HSPA14: variants seen among roughly 807,000 people sequenced by gnomAD.
HSPA14 encodes heat shock 70 kDa protein 14.
In HSPA14, 37 loss-of-function variants were observed where a neutral mutation model predicts 65.5. That is an observed-to-expected ratio of 0.56 (90% CI 0.43 to 0.74). The LOEUF is 0.74. Ranked by LOEUF, HSPA14 falls within the 30% of genes least tolerant of loss-of-function variation. The pLI, the probability that HSPA14 is intolerant of heterozygous loss-of-function variation, is 0.00. For synonymous variants in HSPA14, 203 were observed against 214.2 expected (o/e 0.95, Z 0.46); for missense variants, 564 against 607.6 (o/e 0.93, Z 0.75).
chr10:14,849,562 TCAGAGCG>T, intron 5 of HSPA14, 152 bp from the exon 6 acceptor site: 2 of 703,998 alleles, frequency 2.8e-6, no homozygotes, highest in African/African-American at 3.5e-5. Flanking sequence ...CTGCATGATT[TCAGAGCG>T]CAGAGAAGAA....
chr10:14,857,903 G>GTT (rs112978495), intron 10 of HSPA14, among the ~76,000 whole-genome samples: 1 of 144,590 alleles, frequency 6.9e-6, no homozygotes, highest in African/African-American at 2.5e-5. Flanking sequence ...TATATATTTT[G>GTT]TTTTTTTTTT....
At chr10:14,856,654 G>A (rs1252613052) in intron 10 of HSPA14, among the ~76,000 whole-genome samples, 5 of 152,092 alleles carry the variant, frequency 3.3e-5, no homozygotes, top group Admixed American at 2.0e-4. Context: ...TTGAGCCCAG[G>A]AGTAGAAGAC....
chr10:14,855,694 G>A (rs1180611358), intron 9 of HSPA14, 147 bp from the exon 10 acceptor site: 1 of 559,876 alleles, frequency 1.8e-6, no homozygotes, highest in African/African-American at 1.9e-5. Context: ...TGGTAAACCT[G>A]TCATTCAGAG....
At position 14,842,429 on chromosome 10, in the gene HSPA14, C is replaced by T; in HGVS notation, c.221+2272C>T. 1.3e-6 allele frequency: 2 copies of T among 1,536,166 alleles called. No homozygotes were observed. The highest frequency in any genetic ancestry group is 8.7e-7 in the Non-Finnish European group (1 of 1,146,922). On this transcript the variant is annotated intron_variant, in intron 3 of 13. Transcript: ENST00000378372. This position sits in a 1 kb window ranked among gnomAD's most constrained non-coding sequence, Gnocchi z 5.2. ...AGATGTCTATCAGGCTGTGTCTAAG[C>T]GAATGCAGCAGGAGGGCTTCCGCCG...
chr10:14,859,179 G>T (rs549852925), intron 10 of HSPA14, among the ~76,000 whole-genome samples: 1 of 152,212 alleles, frequency 6.6e-6, no homozygotes, highest in African/African-American at 2.4e-5. Flanking sequence ...CTATCACTAT[G>T]TGTTGACGAC....
chr10:14,847,818 C>A (rs542164657), intron 3 of HSPA14, among the ~76,000 whole-genome samples: 1 of 152,300 alleles, frequency 6.6e-6, no homozygotes, highest in East Asian at 1.9e-4. Context: ...AGCCAAGAAT[C>A]AGAGATTTCT....
intron 3 of HSPA14, chr10:14,844,069 TG>T: frequency 7.0e-7 from 1 of 1,428,712 alleles, no homozygotes. Context: ...CTCCACCAAA[TG>T]GAAGACCTTT....
rs532361881 is a variant in HSPA14, at chr10:14,867,371, G to A, written c.1206+76G>A. On this transcript the variant is annotated intron_variant, in intron 11 of 13. Coordinates refer to ENST00000378372, the MANE Select transcript of HSPA14 (RefSeq NM_016299.4). ...TTTACATAAAAATAGTAAATTAATT[G>A]CCATAAGTTTTTATACATACCATGA... The A allele has an allele frequency of 8.8e-5, 92 of 1,051,388 alleles. No homozygotes were observed. In the East Asian group the frequency reaches 2.2e-3, roughly 25 times the overall value. The allele number at this position is 1,051,388 out of a possible 1,614,324, so 65.1% of individuals were successfully genotyped here. A position where few individuals can be genotyped will look rare whatever the true frequency, so the allele number is the denominator to read the frequency against.
In HSPA14 at chr10:14,854,175, C is replaced by A; in HGVS notation, c.785C>A (p.Thr262Lys). 3 of 1,611,346 alleles carry A rather than the reference C, an allele frequency of 1.9e-6. No homozygotes were observed. The highest frequency in any genetic ancestry group is 2.5e-6 in the Non-Finnish European group (3 of 1,179,204). Residue 262 changes from threonine (T) to lysine (K), a missense_variant, in exon 9 of 14, where the codon ACG becomes AAG. Physicochemically the swap from Thr to Lys is moderately conservative, Grantham distance 78. Coordinates refer to ENST00000378372, the MANE Select transcript of HSPA14 (RefSeq NM_016299.4). ...AATGCGCGAGCCATGATGAAATTAA[C>A]GAACAGTGCTGAAGTAGCGAAACAT... ...RGNARAMMKL[T>K]NSAEVAKHSL...
At chr10:14,839,437 C>T (rs1188219360) in intron 1 of HSPA14, among the ~76,000 whole-genome samples, 2 of 151,916 alleles carry the variant, frequency 1.3e-5, no homozygotes, top group Non-Finnish European at 2.9e-5. Context: ...TAGCCGGGAA[C>T]GCCTGTAATC....
intron 5 of HSPA14, among the ~76,000 whole-genome samples, chr10:14,849,212 A>G (rs1036397658): frequency 2.0e-5 from 3 of 152,260 alleles, no homozygotes; most frequent in African/African-American, 7.2e-5. Context: ...TACTGTGAAC[A>G]ATAATTTAGG....
At chr10:14,865,380 G>A (rs1184417137) in intron 10 of HSPA14, among the ~76,000 whole-genome samples, 9 of 151,770 alleles carry the variant, frequency 5.9e-5, no homozygotes, top group African/African-American at 2.2e-4. Context: ...TGGTGTTTTA[G>A]ACATGAAGTC....
chr10:14,855,759 T>C (rs1834141336), intron 9 of HSPA14, 82 bp from the exon 10 acceptor site: 1 of 679,218 alleles, frequency 1.5e-6, no homozygotes, highest in Non-Finnish European at 2.6e-6. Context: ...AAAGTGATAT[T>C]TGTTTGATTG....
At position 14,849,820 on chromosome 10, in the gene HSPA14, A is replaced by G. The variant is rs1327311056; in HGVS notation, c.467+9A>G. On this transcript the variant is annotated intron_variant, in intron 6 of 13. Coordinates refer to ENST00000378372, the MANE Select transcript of HSPA14 (RefSeq NM_016299.4). Reference sequence around the variant, plus strand: ...CAAAAAAATGCTCTTGGGTAAGTATATGGGGTTTATCTTACTGGCTTAATT... The same window carrying G: ...CAAAAAAATGCTCTTGGGTAAGTATGTGGGGTTTATCTTACTGGCTTAATT... 2 of 1,552,838 alleles carry G rather than the reference A, an allele frequency of 1.3e-6. No homozygotes were observed. Among genetic ancestry groups the G allele is most frequent in the African/African-American group, 2.7e-5 (2 of 73,460 alleles).
chr10:14,856,091 TTGATTAATGGCTC>T lies in HSPA14; in HGVS notation c.993+151_993+163del, dbSNP rs1832690773. On this transcript the variant is annotated intron_variant, in intron 10 of 13. Transcript: ENST00000378372. ...TGAATAAGGAAAAATTGATGAAATT[TTGATTAATGGCTC>T]TGGTGAACTCATTTGTATATATTCA... 19 of 615,426 alleles carry T rather than the reference TTGATTAATGGCTC, an allele frequency of 3.1e-5. 1 individual carries two copies. The South Asian group carries it at 3.5e-4, about 11-fold the overall frequency. 38.1% of individuals were successfully genotyped at this position (615,426 alleles called of 1,614,324 possible). A position where few individuals can be genotyped will look rare whatever the true frequency, so the allele number is the denominator to read the frequency against.
At chr10:14,838,621 C>CCT in intron 1 of HSPA14, 162 bp downstream of exon 1, 1 of 656,824 alleles carries the variant, frequency 1.5e-6, no homozygotes, top group Non-Finnish European at 2.4e-6. Flanking sequence ...CAGGCCCGGC[C>CCT]TCGCGCCTGG....
intron 12 of HSPA14, among the ~76,000 whole-genome samples, chr10:14,869,557 A>C (rs1832837033): frequency 6.6e-6 from 1 of 152,106 alleles, no homozygotes; most frequent in African/African-American, 2.4e-5. Context: ...AGCCTCCCAA[A>C]CTGCTGGGAT....
intron 10 of HSPA14, among the ~76,000 whole-genome samples, chr10:14,858,156 G>T (rs1832723795): frequency 6.6e-6 from 1 of 152,138 alleles, no homozygotes; most frequent in African/African-American, 2.4e-5. Flanking sequence ...AGTAAGTATT[G>T]TAAGTATAAG....
At position 14,867,151 on chromosome 10, in the gene HSPA14, T is replaced by C. The variant is rs1179619971; in HGVS notation, c.1062T>C (p.Ala354=). 6.2e-7 allele frequency: 1 copy of C among 1,613,838 alleles called. No individual in the cohort carries two copies. Among genetic ancestry groups the C allele is most frequent in the Non-Finnish European group, 8.5e-7 (1 of 1,179,810 alleles). The stretch of plus-strand genomic sequence containing the variant: ...AACTGATTAAAGATCTTTTCCCAGC[T>C]GTTGAGCTTCTCAATTCTATCCCTC... ...LQQLIKDLFP[A]VELLNSIPPD... Residue 354 remains alanine, a synonymous_variant, in exon 11 of 14, where the codon GCT becomes GCC. Coordinates refer to ENST00000378372, the MANE Select transcript of HSPA14 (RefSeq NM_016299.4).
Sources: allele counts gnomAD v4.1 joint callset (sites outside exome capture counted in the v4.1 genomes callset), GRCh38; gene constraint gnomAD v4.1.1; non-coding constraint Gnocchi (gnomAD v3.1); transcripts MANE v1.5; gene names NCBI Gene and HGNC (gene_info 2026-07-23, HGNC 2026-07-21).